SHISA6: variants seen among roughly 807,000 people sequenced by gnomAD.
The protein encoded by SHISA6 is shisa family member 6.
SHISA6 carries 22 observed loss-of-function variants against 47.9 expected under a neutral mutation model. That is an observed-to-expected ratio of 0.46 (90% CI 0.33 to 0.66). The LOEUF (loss-of-function observed/expected upper bound fraction) is 0.66. Among genes scored for constraint, SHISA6 ranks in the 30% least tolerant of loss-of-function variants. SHISA6 has a pLI of 0.02. For missense variants in SHISA6, 680 were observed against 764.6 expected (o/e 0.89, Z 1.30); for synonymous variants, 388 against 337.8 (o/e 1.15, Z -1.63).
At chr17:11,267,619 T>G (rs1030233622) in intron 2 of SHISA6, among the ~76,000 whole-genome samples, 2 of 152,222 alleles carry the variant, frequency 1.3e-5, no homozygotes, top group Non-Finnish European at 2.9e-5. Flanking sequence ...AACTGAGCTC[T>G]TAAAGTTTTG....
intron 2 of SHISA6, among the ~76,000 whole-genome samples, chr17:11,294,498 G>A (rs927663914): frequency 2.0e-5 from 3 of 152,188 alleles, no homozygotes; most frequent in African/African-American, 4.8e-5. Flanking sequence ...GTTGCTCCCC[G>A]CGTGCGAGGC....
chr17:11,267,923 C>A (rs1042487110), intron 2 of SHISA6, among the ~76,000 whole-genome samples: 25 of 152,132 alleles, frequency 1.6e-4, no homozygotes, highest in Non-Finnish European at 7.4e-5. Flanking sequence ...ATGCACCGTA[C>A]CTAGCGTTGC....
At chr17:11,323,796 G>A (rs7209984) in intron 2 of SHISA6, among the ~76,000 whole-genome samples, 76 of 151,948 alleles carry the variant, frequency 5.0e-4, no homozygotes, top group Middle Eastern at 6.8e-3. Flanking sequence ...CTTCCCTTAC[G>A]CTCCAGGGGC....
intron 2 of SHISA6, among the ~76,000 whole-genome samples, chr17:11,311,246 C>T (rs1910326425): frequency 6.9e-6 from 1 of 144,316 alleles, no homozygotes; most frequent in Non-Finnish European, 1.5e-5. Flanking sequence ...CGCACCACTG[C>T]ACTCTAGCCT....
rs373894686 is a variant in SHISA6, at chr17:11,363,277, C to A, written c.800-16137C>A. Among the ~76,000 whole-genome samples the A allele has an allele frequency of 6.6e-5, 10 of 151,930 alleles. 1 individual carries two copies. In the East Asian group the frequency reaches 1.7e-3, roughly 26 times the overall value. ...GTCAACTCTCCTGGTGTCACATTCC[C>A]AATCTCTGGGAATAGTCTTGCTTGC... On this transcript the variant is annotated intron_variant, in intron 2 of 5. Transcript: ENST00000441885.
intron 2 of SHISA6, among the ~76,000 whole-genome samples, chr17:11,294,223 G>C (rs930194775): frequency 3.3e-5 from 5 of 152,170 alleles, no homozygotes; most frequent in African/African-American, 1.2e-4. Context: ...GGGGATATCA[G>C]CTCGAATGAC....
intron 3 of SHISA6, among the ~76,000 whole-genome samples, chr17:11,530,652 G>A (rs925896919): frequency 2.6e-5 from 4 of 152,126 alleles, no homozygotes; most frequent in Admixed American, 1.3e-4. Flanking sequence ...ACAGTTGAAG[G>A]AATGTCTCAG....
intron 2 of SHISA6, among the ~76,000 whole-genome samples, chr17:11,348,655 TTTTTC>T (rs1434831988): frequency 5.9e-5 from 9 of 152,096 alleles, no homozygotes; most frequent in Non-Finnish European, 1.3e-4. Context: ...TACCCTGAGT[TTTTTC>T]TTTCTTTCTT....
chr17:11,339,619 G>A (rs2142211806), intron 2 of SHISA6, among the ~76,000 whole-genome samples: 1 of 152,266 alleles, frequency 6.6e-6, no homozygotes, highest in Middle Eastern at 3.4e-3. Flanking sequence ...AAGCTGCCTC[G>A]ACATGCCACA....
chr17:11,525,652 C>CAAAAAAAAAAAAAAAAAAAAAA (rs371530736), intron 3 of SHISA6, among the ~76,000 whole-genome samples: 2 of 104,282 alleles, frequency 1.9e-5, no homozygotes, highest in Non-Finnish European at 1.8e-5. Flanking sequence ...AAAAAAAAAA[C>CAAAAAAAAAAAAAAAAAAAAAA]AAAAAAAAAA....
chr17:11,304,088 T>C (rs115573926), intron 2 of SHISA6, among the ~76,000 whole-genome samples: 1 of 152,284 alleles, frequency 6.6e-6, no homozygotes, highest in African/African-American at 2.4e-5. Flanking sequence ...AGCCCTTTCC[T>C]GGGAAGCTTT....
chr17:11,561,107 T>A lies in SHISA6; in HGVS notation c.*2803T>A, dbSNP rs1442851509. Reference sequence around the variant, plus strand: ...AAGCAAAGCCACATCAATAGGCAAGTTCACGTAGCAGATAAAAGAGGCTTC... The same window carrying A: ...AAGCAAAGCCACATCAATAGGCAAGATCACGTAGCAGATAAAAGAGGCTTC... On this transcript the variant is annotated 3_prime_UTR_variant, in exon 6 of 6. Transcript: ENST00000441885. 1 of 152,138 alleles carries A rather than the reference T, an allele frequency of 6.6e-6. No homozygotes were observed. The highest frequency in any genetic ancestry group is 2.4e-5 in the African/African-American group (1 of 41,416). The allele number at this position is 152,138 out of a possible 1,614,324, so 9.4% of individuals were successfully genotyped here.
At chr17:11,456,133 C>A (rs1455329589) in intron 3 of SHISA6, among the ~76,000 whole-genome samples, 1 of 152,168 alleles carries the variant, frequency 6.6e-6, no homozygotes, top group Admixed American at 6.5e-5. Flanking sequence ...CTTGTGCATG[C>A]AGGAGGCATT....
intron 2 of SHISA6, among the ~76,000 whole-genome samples, chr17:11,366,116 G>T (rs1372322537): frequency 1.3e-5 from 2 of 152,208 alleles, no homozygotes; most frequent in African/African-American, 4.8e-5. Context: ...CAGGGCCATG[G>T]TGTGTAATGT....
At chr17:11,371,483 A>G (rs138243335) in intron 2 of SHISA6, among the ~76,000 whole-genome samples, 1 of 152,276 alleles carries the variant, frequency 6.6e-6, no homozygotes, top group South Asian at 2.1e-4. Context: ...GTCTTAATGC[A>G]AAGAGCAACT....
chr17:11,400,575 C>T (rs1913734620), intron 3 of SHISA6, among the ~76,000 whole-genome samples: 1 of 152,168 alleles, frequency 6.6e-6, no homozygotes, highest in South Asian at 2.1e-4. Flanking sequence ...CCTGCCTCCA[C>T]CCTCTCTGCT....
At chr17:11,505,531 C>G (rs914979157) in intron 3 of SHISA6, among the ~76,000 whole-genome samples, 1 of 152,162 alleles carries the variant, frequency 6.6e-6, no homozygotes, top group African/African-American at 2.4e-5. Flanking sequence ...ACACTGAAAA[C>G]ACTGTTCTGG....
chr17:11,425,579 C>A (rs1312983634), intron 3 of SHISA6, among the ~76,000 whole-genome samples: 1 of 152,138 alleles, frequency 6.6e-6, no homozygotes, highest in Non-Finnish European at 1.5e-5. Flanking sequence ...ACAGAGAATT[C>A]AGCCCAAATT....
In SHISA6 at chr17:11,247,943, T is replaced by A. The variant is rs182576632; in HGVS notation, c.638+5883T>A. Among the ~76,000 whole-genome samples the A allele has an allele frequency of 3.4e-4, 52 of 152,078 alleles. No homozygotes were observed. The East Asian group carries it at 8.9e-3, about 26-fold the overall frequency. On this transcript the variant is annotated intron_variant, in intron 1 of 5. Transcript: ENST00000441885. Reference sequence around the variant, plus strand: ...GCGCCCGCCACCACACCTGGCTAATTTTTTGTATTTTTAGTAGAGACAGCG... The same window carrying A: ...GCGCCCGCCACCACACCTGGCTAATATTTTGTATTTTTAGTAGAGACAGCG...
Sources: allele counts gnomAD v4.1 joint callset (sites outside exome capture counted in the v4.1 genomes callset), GRCh38; gene constraint gnomAD v4.1.1; transcripts MANE v1.5; gene names NCBI Gene and HGNC (gene_info 2026-07-23, HGNC 2026-07-21).